Variants in KATNIP observed in about 807,000 individuals in gnomAD.
KATNIP encodes katanin-interacting protein.
In KATNIP, 126 loss-of-function variants were observed where a neutral mutation model predicts 174.0. That is an observed-to-expected ratio of 0.72 (90% CI 0.63 to 0.84). The LOEUF (loss-of-function observed/expected upper bound fraction) is 0.84. KATNIP is among the 40% of genes least tolerant of loss of function. The probability of loss-of-function intolerance (pLI) is 0.00; values close to 1 mark genes in which losing one functional copy is unlikely to be tolerated. For synonymous variants in KATNIP, 810 were observed against 835.7 expected (o/e 0.97, Z 0.53); for missense variants, 1,958 against 2,109.7 (o/e 0.93, Z 1.41).
At position 27,677,825 on chromosome 16, in the gene KATNIP, T is replaced by C. The variant is rs1178299065; in HGVS notation, c.637T>C (p.Ser213Pro). Residue 213 changes from serine (S) to proline (P), a missense_variant, in exon 7 of 28, where the codon TCT (serine) becomes CCT (proline). Around this residue, in one of 3 missense-constraint regions of KATNIP, gnomAD observed 1,557 missense variants for 1,617.8 expected, o/e 0.96. Transcript: ENST00000261588. Reference protein sequence around the residue: ...EYDSIEEDILSEPEPEDPALV... With the variant: ...EYDSIEEDILPEPEPEDPALV... ...TGACTCTATTGAGGAAGACATACTC[T>C]CTGAGCCTGAGCCAGAGGACCCGGC... 2 of 1,614,196 alleles carry C rather than the reference T, an allele frequency of 1.2e-6. No homozygotes were observed. Among genetic ancestry groups the C allele is most frequent in the South Asian group, 2.2e-5 (2 of 91,088 alleles).
intron 4 of KATNIP, among the ~76,000 whole-genome samples, chr16:27,630,561 A>G (rs78977137): frequency 0.022 from 3,334 of 152,306 alleles, 139 homozygotes; most frequent in African/African-American, 0.076. Context: ...TAGTTTTCAC[A>G]GTGGAGGCAG....
Position 27,628,654 on chromosome 16 carries a change from C to G in KATNIP, c.141-7C>G, listed in dbSNP as rs1214610418. 6 of 1,613,948 alleles carry G rather than the reference C, an allele frequency of 3.7e-6. No individual in the cohort carries two copies. ...TGAGGAGGAACAACCCACCGTTTCT[C>G]TTTCAGGATATTAAAGCATTTGAAA... On this transcript the variant is annotated splice_polypyrimidine_tract_variant and splice_region_variant and intron_variant, in intron 3 of 27. Coordinates refer to ENST00000261588, the MANE Select transcript of KATNIP (RefSeq NM_015202.5).
At chr16:27,643,276 T>G (rs1422633268) in intron 5 of KATNIP, 2 of 152,202 alleles carry the variant, frequency 1.3e-5, no homozygotes, top group African/African-American at 4.8e-5. Flanking sequence ...TGACTCAGTT[T>G]CCCCCTTGGG....
intron 1 of KATNIP, among the ~76,000 whole-genome samples, chr16:27,565,464 T>TC (rs1362949753): frequency 1.5e-5 from 2 of 136,548 alleles, no homozygotes; most frequent in Non-Finnish European, 3.1e-5. Flanking sequence ...AGACTCTGTC[T>TC]CAAAAAAAAA....
At chr16:27,587,870 C>CT (rs773020551) in intron 2 of KATNIP, among the ~76,000 whole-genome samples, 25 of 147,046 alleles carry the variant, frequency 1.7e-4, no homozygotes, top group Admixed American at 3.4e-4. Flanking sequence ...TTCTTTCTAG[C>CT]TTTTTTTTTT....
rs187119238 is a variant in KATNIP at position 27,714,485 on chromosome 16, C to G, written c.1605+5565C>G. Among the ~76,000 whole-genome samples, 78 of 151,888 alleles carry G rather than the reference C, an allele frequency of 5.1e-4. No homozygotes were observed. The East Asian group carries it at 0.014, about 28-fold the overall frequency. On this transcript the variant is annotated intron_variant, in intron 13 of 27. Coordinates refer to ENST00000261588, the MANE Select transcript of KATNIP (RefSeq NM_015202.5). ...ACTCACAGGAATTTGTAAAATAGTA[C>G]AGAAAACAGAAGAACAATAGAGAAA...
At position 27,637,925 on chromosome 16, in the gene KATNIP, G is replaced by A. The variant is rs117429063; in HGVS notation, c.408+6763G>A. Among the ~76,000 whole-genome samples, 1,494 of 152,288 alleles carry A rather than the reference G, an allele frequency of 9.8e-3. 8 individuals are homozygous for A. The highest frequency in any genetic ancestry group is 0.031 in the Middle Eastern group (9 of 294). ...CAGGAAGCCTTTGAAGCAGGGCTAC[G>A]TCTCTCTCCACCAACCTTCCCCAGC... On this transcript the variant is annotated intron_variant, in intron 5 of 27. Transcript: ENST00000261588. The surrounding 1 kb of genome is among the most constrained non-coding windows in gnomAD (Gnocchi z 4.7).
intron 14 of KATNIP, among the ~76,000 whole-genome samples, chr16:27,738,831 C>T (rs1261704402): frequency 6.6e-6 from 1 of 152,144 alleles, no homozygotes; most frequent in Non-Finnish European, 1.5e-5. Flanking sequence ...TGGACAGTGC[C>T]CTGCCTCAGG....
chr16:27,555,575 C>T (rs992717352), intron 1 of KATNIP, among the ~76,000 whole-genome samples: 2 of 152,198 alleles, frequency 1.3e-5, no homozygotes, highest in African/African-American at 2.4e-5. Flanking sequence ...TGGCTCACGC[C>T]TGTAATCCCA....
At chr16:27,730,884 AT>A (rs1447902970) in intron 14 of KATNIP, among the ~76,000 whole-genome samples, 1 of 152,174 alleles carries the variant, frequency 6.6e-6, no homozygotes, top group Non-Finnish European at 1.5e-5. Flanking sequence ...TAATGACAAC[AT>A]TTGGAAATTG....
intron 2 of KATNIP, among the ~76,000 whole-genome samples, chr16:27,608,044 C>A (rs539978945): frequency 3.9e-5 from 6 of 152,312 alleles, no homozygotes; most frequent in Non-Finnish European, 8.8e-5. Flanking sequence ...GAATGCAGCT[C>A]AGGCTTCTGC....
chr16:27,575,549 A>G (rs2090466929), intron 2 of KATNIP, among the ~76,000 whole-genome samples: 1 of 152,184 alleles, frequency 6.6e-6, no homozygotes, highest in South Asian at 2.1e-4. Flanking sequence ...CATCATTCCT[A>G]TAATGAAAGG....
chr16:27,685,731 A>G (rs989807661), intron 8 of KATNIP, among the ~76,000 whole-genome samples: 4 of 152,326 alleles, frequency 2.6e-5, no homozygotes, highest in African/African-American at 9.6e-5. Flanking sequence ...ACTTGGCTCT[A>G]ACATAAGTCA....
rs554319752 is a variant in KATNIP at position 27,550,151 on chromosome 16, C to G, written c.-20C>G. 3.9e-5 allele frequency: 63 copies of G among 1,612,414 alleles called. No homozygotes were observed. In the African/African-American group the frequency reaches 8.0e-4, roughly 20 times the overall value. On this transcript the variant is annotated 5_prime_UTR_variant, in exon 1 of 28. Coordinates refer to ENST00000261588, the MANE Select transcript of KATNIP (RefSeq NM_015202.5). The stretch of plus-strand genomic sequence containing the variant: ...AGAGGCCGCTTCCGGTTCGAGCTCC[C>G]GGAACCGCCGCCTCTAGGGATGGAC...
At chr16:27,606,200 C>T (rs2075698805) in intron 2 of KATNIP, among the ~76,000 whole-genome samples, 1 of 152,174 alleles carries the variant, frequency 6.6e-6, no homozygotes. Flanking sequence ...GGACGGGCTC[C>T]ACAGCGCTGG....
intron 1 of KATNIP, among the ~76,000 whole-genome samples, chr16:27,561,945 G>T (rs1386557706): frequency 6.6e-6 from 1 of 152,166 alleles, no homozygotes; most frequent in Non-Finnish European, 1.5e-5. Flanking sequence ...TCATTATGCT[G>T]CTTGTGTCAG....
chr16:27,605,157 T>C (rs1395587207), intron 2 of KATNIP, among the ~76,000 whole-genome samples: 2 of 152,180 alleles, frequency 1.3e-5, no homozygotes, highest in Admixed American at 1.3e-4. Flanking sequence ...GGTCTCGAAC[T>C]CCTGACCTCA....
At chr16:27,735,144 C>T (rs2080850572) in intron 14 of KATNIP, among the ~76,000 whole-genome samples, 1 of 152,178 alleles carries the variant, frequency 6.6e-6, no homozygotes, top group Non-Finnish European at 1.5e-5. Context: ...CAGGGTACGA[C>T]CCTCCCACCT....
intron 13 of KATNIP, among the ~76,000 whole-genome samples, chr16:27,713,328 C>T (rs757147014): frequency 5.3e-5 from 8 of 151,992 alleles, no homozygotes; most frequent in Non-Finnish European, 7.4e-5. Context: ...GTATGTATTG[C>T]ACACTTACAT....
Sources: gnomAD v4.1 joint callset for allele counts (sites outside exome capture counted in the v4.1 genomes callset) on GRCh38, gnomAD v4.1.1 for gene constraint, gnomAD v4.1.1 regional missense constraint, Gnocchi (gnomAD v3.1) non-coding constraint, MANE v1.5 for transcripts, NCBI Gene and HGNC (gene_info 2026-07-23, HGNC 2026-07-21) for gene names.